Variants in CNTN4 observed in about 807,000 individuals in gnomAD.
CNTN4 encodes the protein contactin-4.
Under a neutral mutation model 122.5 loss-of-function variants are expected in CNTN4, and 77 were observed. That is an observed-to-expected ratio of 0.63 (90% CI 0.52 to 0.76). The LOEUF is 0.76. Ranked by LOEUF, CNTN4 falls within the 30% of genes least tolerant of loss-of-function variation. CNTN4 has a pLI of 0.00. For synonymous variants in CNTN4, 512 were observed against 447.0 expected, an observed-to-expected ratio of 1.15 and a Z score of -1.83; for missense variants, 1,256 against 1,259.1, an observed-to-expected ratio of 1.00 and a Z score of 0.04.
chr3:2,304,335 T>C (rs1289016515), intron 2 of CNTN4, among the ~76,000 whole-genome samples: 1 of 152,196 alleles, frequency 6.6e-6, no homozygotes, highest in African/African-American at 2.4e-5. Flanking sequence ...TATATTTGTA[T>C]ACTTAAGAAT....
At chr3:3,000,268 G>A (rs1478113846) in intron 14 of CNTN4, among the ~76,000 whole-genome samples, 1 of 152,036 alleles carries the variant, frequency 6.6e-6, no homozygotes, top group African/African-American at 2.4e-5. Context: ...AAATACAACT[G>A]GAAGAGGATT....
chr3:2,505,613 A>G lies in CNTN4; in HGVS notation c.-88-65803A>G, dbSNP rs144648911. ...TATATCCCTTAGCATAAGGGTGGCC[A>G]TGCACTTTAAAATTACATATGATTA... On this transcript the variant is annotated intron_variant, in intron 3 of 24. Transcript: ENST00000418658. Among the ~76,000 whole-genome samples, 764 of 152,326 alleles carry G rather than the reference A, an allele frequency of 5.0e-3. 12 individuals are homozygous for G. Among genetic ancestry groups the G allele is most frequent in the African/African-American group, 0.017 (725 of 41,574 alleles).
intron 2 of CNTN4, chr3:2,239,121 C>T (rs936886991): frequency 1.3e-5 from 2 of 152,026 alleles, no homozygotes; most frequent in Non-Finnish European, 2.9e-5. Flanking sequence ...GTTTTAATAA[C>T]TTTTAATTTA....
intron 4 of CNTN4, among the ~76,000 whole-genome samples, chr3:2,651,793 C>A (rs141747200): frequency 9.6e-4 from 145 of 151,632 alleles, no homozygotes; most frequent in African/African-American, 3.2e-3. Context: ...ACCTCCACCT[C>A]CCTGGTTCAA....
At chr3:2,680,500 C>T (rs1437757955) in intron 4 of CNTN4, among the ~76,000 whole-genome samples, 2 of 152,264 alleles carry the variant, frequency 1.3e-5, no homozygotes, top group East Asian at 3.9e-4. Flanking sequence ...TTTGGCAAAA[C>T]ACGTTAGAAG....
intron 2 of CNTN4, among the ~76,000 whole-genome samples, chr3:2,239,916 A>G (rs1246564934): frequency 5.9e-5 from 9 of 152,202 alleles, no homozygotes; most frequent in African/African-American, 2.2e-4. Context: ...TCCTAAAATC[A>G]TTCATTTAGA....
At chr3:2,324,820 C>G (rs935441436) in intron 2 of CNTN4, among the ~76,000 whole-genome samples, 1 of 151,542 alleles carries the variant, frequency 6.6e-6, no homozygotes, top group African/African-American at 2.4e-5. Flanking sequence ...CCCCTAGCCC[C>G]CAACTTTCCA....
At chr3:2,953,739 T>C (rs1426722518) in intron 13 of CNTN4, among the ~76,000 whole-genome samples, 1 of 152,190 alleles carries the variant, frequency 6.6e-6, no homozygotes, top group Non-Finnish European at 1.5e-5. Context: ...ATATAAATTG[T>C]CTTCCCCCTT....
At chr3:2,451,163 TAAGG>T (rs2048815821) in intron 3 of CNTN4, among the ~76,000 whole-genome samples, 1 of 152,166 alleles carries the variant, frequency 6.6e-6, no homozygotes, top group African/African-American at 2.4e-5. Context: ...TATTCCTAAG[TAAGG>T]AAGTAAGAGT....
chr3:2,419,810 G>T (rs1484707892), intron 3 of CNTN4, among the ~76,000 whole-genome samples: 1 of 152,116 alleles, frequency 6.6e-6, no homozygotes, highest in East Asian at 1.9e-4. Flanking sequence ...AATGTGTGTG[G>T]TTTCCAGGAC....
At chr3:2,629,504 A>G (rs2082334740) in intron 4 of CNTN4, 1 of 444,506 alleles carries the variant, frequency 2.2e-6, no homozygotes, top group African/African-American at 2.0e-5. Flanking sequence ...GAAGAATTTT[A>G]CCCTGTTCCT....
chr3:2,136,147 G>C (rs763169271), intron 2 of CNTN4, among the ~76,000 whole-genome samples: 22 of 152,152 alleles, frequency 1.4e-4, no homozygotes, highest in Non-Finnish European at 5.9e-5. Flanking sequence ...ATTTGGAGGT[G>C]TAAGGATGTA....
chr3:2,786,297 C>T lies in CNTN4; in HGVS notation c.359-33189C>T, dbSNP rs73807942. 8.0e-3 allele frequency among the ~76,000 whole-genome samples: 1,223 copies of T among 152,288 alleles called. 18 individuals carry two copies. Among genetic ancestry groups the T allele is most frequent in the African/African-American group, 0.027 (1,106 of 41,562 alleles). On this transcript the variant is annotated intron_variant, in intron 6 of 24. Coordinates refer to ENST00000418658, the MANE Select transcript of CNTN4 (RefSeq NM_175607.3). The stretch of plus-strand genomic sequence containing the variant: ...GTTGTTTTAACACTTAAAGTGTCCA[C>T]GGACAGCAAAGCTAAAAGAGCACAC...
At chr3:2,228,183 C>T (rs1489534505) in intron 2 of CNTN4, among the ~76,000 whole-genome samples, 1 of 151,950 alleles carries the variant, frequency 6.6e-6, no homozygotes, top group Non-Finnish European at 1.5e-5. Flanking sequence ...GATCAGACTC[C>T]TCTAGCCAAG....
At chr3:2,474,851 A>G (rs1429074719) in intron 3 of CNTN4, among the ~76,000 whole-genome samples, 1 of 152,174 alleles carries the variant, frequency 6.6e-6, no homozygotes, top group East Asian at 1.9e-4. Context: ...CATTGTAGGT[A>G]TCCAACATAG....
chr3:2,374,870 A>G (rs970256100), intron 3 of CNTN4, among the ~76,000 whole-genome samples: 4 of 152,210 alleles, frequency 2.6e-5, no homozygotes, highest in African/African-American at 9.6e-5. Flanking sequence ...TGGTTGAAAT[A>G]GTGATCAAAT....
chr3:2,536,106 G>A (rs1206407889), intron 3 of CNTN4, among the ~76,000 whole-genome samples: 2 of 152,232 alleles, frequency 1.3e-5, no homozygotes, highest in East Asian at 3.9e-4. Flanking sequence ...TTAGAGAACT[G>A]TCCACAGGAC....
chr3:2,585,156 T>G (rs2080129763), intron 4 of CNTN4, among the ~76,000 whole-genome samples: 1 of 152,180 alleles, frequency 6.6e-6, no homozygotes, highest in South Asian at 2.1e-4. Flanking sequence ...TTTTCACTAC[T>G]GATGATGGTA....
chr3:2,346,865 C>G (rs1408062927), intron 3 of CNTN4, among the ~76,000 whole-genome samples: 1 of 152,136 alleles, frequency 6.6e-6, no homozygotes, highest in Non-Finnish European at 1.5e-5. Context: ...TCAGGACACA[C>G]TTTTTTCCAG....
Sources: gnomAD v4.1 joint callset for allele counts (sites outside exome capture counted in the v4.1 genomes callset) on GRCh38, gnomAD v4.1.1 for gene constraint, MANE v1.5 for transcripts, NCBI Gene and HGNC (gene_info 2026-07-23, HGNC 2026-07-21) for gene names.